Variants in GAB2 observed in about 807,000 individuals in gnomAD.
GAB2 encodes the protein GRB2-associated-binding protein 2.
GAB2 carries 26 observed loss-of-function variants against 65.5 expected under a neutral mutation model. That is an observed-to-expected ratio of 0.40 (90% CI 0.29 to 0.55). The LOEUF (loss-of-function observed/expected upper bound fraction) is 0.55. Among genes scored for constraint, GAB2 ranks in the 20% least tolerant of loss-of-function variants. GAB2 has a pLI of 0.53. For missense variants in GAB2, 884 were observed against 875.8 expected (o/e 1.01, Z -0.12); for synonymous variants, 321 against 329.6 (o/e 0.97, Z 0.28).
At chr11:78,233,900 C>G (rs563381030) in intron 3 of GAB2, among the ~76,000 whole-genome samples, 1 of 152,086 alleles carries the variant, frequency 6.6e-6, no homozygotes, top group Non-Finnish European at 1.5e-5. Context: ...CGTGGGCCAC[C>G]ACGCCCAGCC....
chr11:78,407,654 A>AG (rs1555001672), intron 1 of GAB2, among the ~76,000 whole-genome samples: 1 of 100,766 alleles, frequency 9.9e-6, no homozygotes, highest in South Asian at 4.0e-4. Context: ...AGAAAGAAAG[A>AG]AAGTAAGAAA....
intron 2 of GAB2, among the ~76,000 whole-genome samples, chr11:78,253,314 C>T (rs1865509117): frequency 1.3e-5 from 2 of 152,244 alleles, no homozygotes; most frequent in Non-Finnish European, 2.9e-5. Flanking sequence ...TTTTTAGAGA[C>T]ATGGTCTTGC....
At position 78,221,699 on chromosome 11, in the gene GAB2, C is replaced by T; in HGVS notation, c.1739G>A (p.Ser580Asn). 6.2e-7 allele frequency: 1 copy of T among 1,612,828 alleles called. No individual in the cohort carries two copies. The highest frequency in any genetic ancestry group is 8.5e-7 in the Non-Finnish European group (1 of 1,178,932). ...CACCATAGGGACATAGTTCTCTTCGCTGTCTCCTGAGTCTGTGCTGGTGAT... is the reference window on the plus strand; with the variant it reads ...CACCATAGGGACATAGTTCTCTTCGTTGTCTCCTGAGTCTGTGCTGGTGAT... Reference protein sequence around the residue: ...QSITSTDSGDSEENYVPMQNP... With the variant: ...QSITSTDSGDNEENYVPMQNP... Residue 580 changes from serine (S) to asparagine (N), a missense_variant, in exon 8 of 10, where the codon AGC (serine) becomes AAC (asparagine). By Grantham distance (46) the Ser-to-Asn change is conservative. Transcript: ENST00000361507.
intron 1 of GAB2, among the ~76,000 whole-genome samples, chr11:78,351,629 T>C (rs1359244776): frequency 2.6e-5 from 4 of 152,156 alleles, no homozygotes; most frequent in African/African-American, 9.7e-5. Flanking sequence ...CTACGTGAAA[T>C]AGTCTCACAT....
At chr11:78,346,693 AT>A (rs1565168132) in intron 1 of GAB2, among the ~76,000 whole-genome samples, 36 of 91,412 alleles carry the variant, frequency 3.9e-4, no homozygotes, top group African/African-American at 2.4e-3. Context: ...ATATATATAT[AT>A]ATATATATAT....
intron 2 of GAB2, 33 bp from the exon 3 acceptor site, chr11:78,250,433 A>G: frequency 3.1e-6 from 5 of 1,601,450 alleles, no homozygotes; most frequent in Non-Finnish European, 4.3e-6. Flanking sequence ...TGAATGAAAA[A>G]GGAAGGAAAT....
At chr11:78,375,079 C>T (rs576838397) in intron 1 of GAB2, among the ~76,000 whole-genome samples, 6 of 152,208 alleles carry the variant, frequency 3.9e-5, no homozygotes, top group Non-Finnish European at 8.8e-5. Flanking sequence ...GGGTCTTGCT[C>T]TGTCACCCAC....
intron 1 of GAB2, among the ~76,000 whole-genome samples, chr11:78,374,665 T>G (rs1420738579): frequency 6.6e-6 from 1 of 152,188 alleles, no homozygotes; most frequent in African/African-American, 2.4e-5. Context: ...GTTTGATATT[T>G]TATTGGAGTT....
chr11:78,289,840 T>TTTTTTAA (rs1554984002), intron 1 of GAB2, among the ~76,000 whole-genome samples: 1 of 144,530 alleles, frequency 6.9e-6, no homozygotes, highest in Non-Finnish European at 1.5e-5. Flanking sequence ...TTTTTTTTTT[T>TTTTTTAA]AAATACAACA....
intron 1 of GAB2, among the ~76,000 whole-genome samples, chr11:78,357,174 T>TA (rs781551119): frequency 1.4e-4 from 21 of 151,874 alleles, no homozygotes; most frequent in African/African-American, 2.4e-4. Context: ...TTCACCACAA[T>TA]AAAAAAAATA....
At chr11:78,411,159 TG>T (rs60349763) in intron 1 of GAB2, among the ~76,000 whole-genome samples, 7,039 of 78,850 alleles carry the variant, frequency 0.089, 555 homozygotes, top group African/African-American at 0.28. Context: ...TGGGGGTGGT[TG>T]GGGGGGGGGA....
At chr11:78,317,824 T>G (rs1855641541) in intron 1 of GAB2, among the ~76,000 whole-genome samples, 1 of 152,104 alleles carries the variant, frequency 6.6e-6, no homozygotes, top group Non-Finnish European at 1.5e-5. Flanking sequence ...AATTCTTTTC[T>G]TTTCTGGGCT....
chr11:78,332,720 A>C (rs974659983), intron 1 of GAB2, among the ~76,000 whole-genome samples: 2 of 152,200 alleles, frequency 1.3e-5, no homozygotes, highest in African/African-American at 4.8e-5. Context: ...CTCTGGCTTG[A>C]ACAGTAGGGA....
intron 1 of GAB2, among the ~76,000 whole-genome samples, chr11:78,409,829 A>T (rs1279835038): frequency 6.6e-6 from 1 of 152,216 alleles, no homozygotes; most frequent in Non-Finnish European, 1.5e-5. Context: ...CATTCTTTTC[A>T]AAGTACCCAT....
At chr11:78,231,329 C>G (rs757389490) in intron 3 of GAB2, among the ~76,000 whole-genome samples, 3 of 115,668 alleles carry the variant, frequency 2.6e-5, no homozygotes, top group Non-Finnish European at 3.9e-5. Flanking sequence ...CGCGCGCGCG[C>G]GTGTGTGGTG....
intron 1 of GAB2, among the ~76,000 whole-genome samples, chr11:78,366,155 T>A (rs1394981001): frequency 6.6e-5 from 10 of 152,218 alleles, no homozygotes; most frequent in Non-Finnish European, 8.8e-5. Context: ...CCTAGAATAG[T>A]GTTTATACAG....
At chr11:78,329,130 G>A (rs143051924) in intron 1 of GAB2, among the ~76,000 whole-genome samples, 116 of 152,306 alleles carry the variant, frequency 7.6e-4, no homozygotes, top group Non-Finnish European at 1.3e-3. Flanking sequence ...AATCTAGATG[G>A]TTGATAAATA....
In GAB2 at chr11:78,220,340, G is replaced by A. The variant is rs1376011011; in HGVS notation, c.1866C>T (p.Ser622=). 5.6e-6 allele frequency: 9 copies of A among 1,612,544 alleles called. No individual in the cohort carries two copies. Among genetic ancestry groups the A allele is most frequent in the Middle Eastern group, 1.9e-4 (1 of 5,372 alleles). Residue 622 remains serine, a synonymous_variant, in exon 9 of 10, where the codon AGC becomes AGT. Transcript: ENST00000361507. ...VDYLALDFQP[S]SPSPHRKPST... ...GCACCTTGCGGTGGGGGCTTGGGGA[G>A]CTCGGCTGGAAGTCCAGGGCCAGAT...
intron 1 of GAB2, among the ~76,000 whole-genome samples, chr11:78,309,971 T>TGTGTGTGTGCACGC (rs1421836447): frequency 3.8e-4 from 46 of 120,192 alleles, no homozygotes; most frequent in African/African-American, 1.5e-3. Context: ...TGTGTGTGTG[T>TGTGTGTGTGCACGC]GCGCGCGCGC....
Sources: gnomAD v4.1 joint callset for allele counts (sites outside exome capture counted in the v4.1 genomes callset) on GRCh38, gnomAD v4.1.1 for gene constraint, MANE v1.5 for transcripts, NCBI Gene and HGNC (gene_info 2026-07-23, HGNC 2026-07-21) for gene names.